Variants in KANK1 observed in about 807,000 individuals in gnomAD.
The protein encoded by KANK1 is KN motif and ankyrin repeat domains 1, also known as KN motif and ankyrin repeat domain-containing protein 1.
Under a neutral mutation model 106.2 loss-of-function variants are expected in KANK1, and 109 were observed. That is an observed-to-expected ratio of 1.03 (90% CI 0.88 to 1.20). The LOEUF (loss-of-function observed/expected upper bound fraction) is 1.20, where lower values mean the gene tolerates loss of function less well. KANK1 is among the 50% of genes most tolerant of loss of function. KANK1 has a pLI of 0.00. For missense variants in KANK1, 2,399 were observed against 1,710.7 expected (o/e 1.40, Z -7.10); for synonymous variants, 873 against 652.2 (o/e 1.34, Z -5.16).
intron 3 of KANK1, among the ~76,000 whole-genome samples, chr9:717,811 A>G (rs1474040534): frequency 6.6e-6 from 1 of 152,168 alleles, no homozygotes; most frequent in Non-Finnish European, 1.5e-5. Context: ...CAGATAAATG[A>G]CTTACAGATA....
chr9:661,329 G>C (rs1002365654), intron 1 of KANK1, among the ~76,000 whole-genome samples: 6 of 150,472 alleles, frequency 4.0e-5, no homozygotes, highest in African/African-American at 1.5e-4. Flanking sequence ...CTGTGTCCAA[G>C]TGTGCTCATT....
chr9:639,774 C>G (rs908879623), intron 1 of KANK1, among the ~76,000 whole-genome samples: 2 of 152,146 alleles, frequency 1.3e-5, no homozygotes, highest in East Asian at 1.9e-4. Flanking sequence ...GCTCACAGTT[C>G]TGAAGTCTGG....
rs188463963 is a variant in KANK1, at chr9:518,968, G to A, written c.-84+14214G>A. Among the ~76,000 whole-genome samples, 98 of 151,306 alleles carry A rather than the reference G, an allele frequency of 6.5e-4. 2 individuals are homozygous for A. The highest frequency in any genetic ancestry group is 1.7e-3 in the South Asian group (8 of 4,818). ...TGCAATGGCATGATCTCGGCTCACC[G>A]CAAACTCCCCCTTCCAGGTTCCAGT... On this transcript the variant is annotated intron_variant, in intron 1 of 11. Transcript: ENST00000382297.
intron 1 of KANK1, among the ~76,000 whole-genome samples, chr9:571,059 T>G (rs1255657967): frequency 6.6e-6 from 1 of 152,188 alleles, no homozygotes. Context: ...TCAAATTGAT[T>G]TCTTGTAAAA....
At chr9:727,698 G>C (rs972787915) in intron 3 of KANK1, among the ~76,000 whole-genome samples, 1 of 151,562 alleles carries the variant, frequency 6.6e-6, no homozygotes, top group African/African-American at 2.4e-5. Context: ...GTGTGTGTGT[G>C]TGTGTGTGTG....
intron 8 of KANK1, 98 bp from the exon 9 acceptor site, chr9:740,694 C>G (rs1268446353): frequency 2.3e-6 from 3 of 1,307,834 alleles, no homozygotes; most frequent in South Asian, 1.4e-5. Flanking sequence ...TACCATTTCA[C>G]TGGGCTCCTG....
chr9:541,631 TA>T (rs199978068), intron 1 of KANK1, among the ~76,000 whole-genome samples: 10 of 148,936 alleles, frequency 6.7e-5, no homozygotes, highest in African/African-American at 9.9e-5. Context: ...TGTGTTAAAC[TA>T]AAAAAAAAAT....
At chr9:697,328 C>T (rs1821565402) in intron 2 of KANK1, among the ~76,000 whole-genome samples, 1 of 152,104 alleles carries the variant, frequency 6.6e-6, no homozygotes, top group African/African-American at 2.4e-5. Flanking sequence ...CTTTGATCAC[C>T]TGGTCGAGGT....
chr9:739,447 AT>A, intron 8 of KANK1, among the ~76,000 whole-genome samples: 1 of 152,266 alleles, frequency 6.6e-6, no homozygotes, highest in South Asian at 2.1e-4. Context: ...AGCCAAGCAG[AT>A]TTATCCTTCC....
chr9:512,987 A>G (rs1213941816), intron 1 of KANK1, among the ~76,000 whole-genome samples: 1 of 152,172 alleles, frequency 6.6e-6, no homozygotes, highest in Non-Finnish European at 1.5e-5. Context: ...GATATGGAAA[A>G]CTCAGGTTTG....
chr9:591,167 A>G (rs1824779642), intron 1 of KANK1, among the ~76,000 whole-genome samples: 1 of 151,852 alleles, frequency 6.6e-6, no homozygotes, highest in Non-Finnish European at 1.5e-5. Flanking sequence ...GATTTTAAAG[A>G]TTTAAAATTT....
Position 710,615 on chromosome 9 carries a change from C to CAAAA in KANK1, c.38-178_38-175dup, listed in dbSNP as rs1222306010. ...GCCTGGGTGACAGAATGACCTGTCT[C>CAAAA]AAAAAAAAAAAAAACAAAAAAAAAC... On this transcript the variant is annotated intron_variant, in intron 2 of 11. Transcript: ENST00000382297. Among the ~76,000 whole-genome samples the CAAAA allele has an allele frequency of 8.3e-4, 30 of 36,022 alleles. 2 individuals are homozygous for CAAAA. Among genetic ancestry groups the CAAAA allele is most frequent in the African/African-American group, 1.9e-3 (12 of 6,176 alleles). 23.6% of individuals were successfully genotyped at this position (36,022 alleles called of 152,430 possible). A position where few individuals can be genotyped will look rare whatever the true frequency, so the allele number is the denominator to read the frequency against.
chr9:661,901 C>T (rs1412840620), intron 1 of KANK1, among the ~76,000 whole-genome samples: 1 of 151,350 alleles, frequency 6.6e-6, no homozygotes, highest in Non-Finnish European at 1.5e-5. Context: ...TTTCATGTGT[C>T]TGTTGGCTGC....
intron 1 of KANK1, among the ~76,000 whole-genome samples, chr9:625,541 A>G (rs943672735): frequency 6.6e-6 from 1 of 152,136 alleles, no homozygotes; most frequent in Non-Finnish European, 1.5e-5. Flanking sequence ...TCCGTTGTTA[A>G]AAGTTCTATA....
At chr9:636,996 G>T (rs1317058380) in intron 1 of KANK1, among the ~76,000 whole-genome samples, 1 of 152,120 alleles carries the variant, frequency 6.6e-6, no homozygotes. Context: ...TCAAAACTTT[G>T]TTTATACCTT....
At chr9:627,952 A>AC (rs1834751979) in intron 1 of KANK1, among the ~76,000 whole-genome samples, 3 of 107,536 alleles carry the variant, frequency 2.8e-5, no homozygotes, top group African/African-American at 3.4e-5. Flanking sequence ...AATTACAACA[A>AC]AAAAAAAAGA....
chr9:736,113 A>G (rs4279657), intron 7 of KANK1, among the ~76,000 whole-genome samples: 9,039 of 152,064 alleles, frequency 0.059, 669 homozygotes, highest in East Asian at 0.19. Flanking sequence ...GTCCACCACA[A>G]CGCCCGGCTA....
intron 1 of KANK1, among the ~76,000 whole-genome samples, chr9:623,740 A>G (rs1833725300): frequency 6.6e-6 from 1 of 152,240 alleles, no homozygotes; most frequent in Non-Finnish European, 1.5e-5. Flanking sequence ...AAGACAAAAT[A>G]TAACAAGTTT....
chr9:729,265 T>C (rs1437387259), intron 3 of KANK1, among the ~76,000 whole-genome samples: 1 of 152,190 alleles, frequency 6.6e-6, no homozygotes, highest in Admixed American at 6.5e-5. Context: ...CAAGGGAGTC[T>C]AAAACCATCA....
Sources: gnomAD v4.1 joint callset for allele counts (sites outside exome capture counted in the v4.1 genomes callset) on GRCh38, gnomAD v4.1.1 for gene constraint, MANE v1.5 for transcripts, NCBI Gene and HGNC (gene_info 2026-07-23, HGNC 2026-07-21) for gene names.